The following ANXA8 variants were observed in gnomAD, a reference collection of about 807,000 sequenced individuals.
ANXA8 encodes the protein VAC-beta.
In ANXA8, 9 loss-of-function variants were observed where a neutral mutation model predicts 26.8. The ratio of observed to expected loss-of-function variants is 0.34; its 90% CI spans 0.20 to 0.59. The LOEUF is 0.59. ANXA8 is among the 20% of genes least tolerant of loss of function. The pLI is 0.84. For missense variants in ANXA8, 83 were observed against 238.5 expected (o/e 0.35, Z 4.29); for synonymous variants, 39 against 94.8 (o/e 0.41, Z 3.42).
the ANXA8 span, among the ~76,000 whole-genome samples, chr10:47,600,298 G>A: frequency 6.6e-6 from 1 of 150,582 alleles, no homozygotes; most frequent in African/African-American, 2.5e-5. Flanking sequence ...AGGCTGCGAA[G>A]CCCCGGGGTT....
the ANXA8 span, among the ~76,000 whole-genome samples, chr10:47,623,676 T>G: frequency 2.8e-5 from 3 of 108,140 alleles, 1 homozygote; most frequent in South Asian, 9.0e-4. Context: ...CTTTGTGTTT[T>G]TAGTCTTTTC....
At chr10:47,603,652 C>T in the ANXA8 span, among the ~76,000 whole-genome samples, 2 of 148,984 alleles carry the variant, frequency 1.3e-5, no homozygotes, top group Non-Finnish European at 1.5e-5. Flanking sequence ...GCTGGGACTA[C>T]AGGCAGGCAC....
At chr10:47,726,569 T>A in the ANXA8 span, among the ~76,000 whole-genome samples, 3 of 152,392 alleles carry the variant, frequency 2.0e-5, no homozygotes, top group East Asian at 5.8e-4. Flanking sequence ...TAAAAATAAT[T>A]TATAAAACAG....
the ANXA8 span, among the ~76,000 whole-genome samples, chr10:47,558,194 A>C: frequency 6.6e-6 from 1 of 152,096 alleles, no homozygotes; most frequent in South Asian, 2.1e-4. Context: ...ATTGTAGTAC[A>C]TACGTCATTC....
At position 47,481,546 on chromosome 10, in the gene ANXA8, T is replaced by A. The variant is rs1436722926; in HGVS notation, c.22-1658A>T. Among the ~76,000 whole-genome samples the A allele has an allele frequency of 3.7e-4, 56 of 150,582 alleles. 1 individual carries two copies. The highest frequency in any genetic ancestry group is 1.2e-3 in the African/African-American group (50 of 41,136). On this transcript the variant is annotated intron_variant, in intron 1 of 11. Transcript: ENST00000585281. ...ATCTCAGCTCTCAGTGCCTGCCGGCTTCCCTCTGCCCCAGCACTCGGGGGC... is the reference window on the plus strand; with the variant it reads ...ATCTCAGCTCTCAGTGCCTGCCGGCATCCCTCTGCCCCAGCACTCGGGGGC...
chr10:47,736,932 G>A, the ANXA8 span, among the ~76,000 whole-genome samples: 1 of 151,814 alleles, frequency 6.6e-6, no homozygotes, highest in Non-Finnish European at 1.5e-5. Flanking sequence ...TGAGACTACA[G>A]GTGTGAACCA....
At chr10:47,718,178 A>T in the ANXA8 span, among the ~76,000 whole-genome samples, 1 of 152,280 alleles carries the variant, frequency 6.6e-6, no homozygotes, top group Non-Finnish European at 1.5e-5. Flanking sequence ...TTTTTTTTAC[A>T]TATTTTTTTA....
the ANXA8 span, among the ~76,000 whole-genome samples, chr10:47,981,224 A>G: frequency 1.3e-5 from 2 of 151,388 alleles, no homozygotes; most frequent in Non-Finnish European, 3.0e-5. Flanking sequence ...ATAGATGCAG[A>G]AAAAACATTT....
chr10:47,695,105 A>G, the ANXA8 span, among the ~76,000 whole-genome samples: 1 of 150,302 alleles, frequency 6.7e-6, no homozygotes, highest in Non-Finnish European at 1.5e-5. Context: ...TTTCTGAAGA[A>G]CATGCATCCT....
upstream of ANXA8, among the ~76,000 whole-genome samples, chr10:47,488,713 AT>A (rs1160121365): frequency 0.035 from 2,194 of 61,936 alleles, no homozygotes; most frequent in African/African-American, 0.069. Flanking sequence ...TACATGTTAA[AT>A]TTTTTTTTTT....
chr10:47,626,141 C>A, the ANXA8 span, among the ~76,000 whole-genome samples: 1 of 150,182 alleles, frequency 6.7e-6, no homozygotes, highest in Non-Finnish European at 1.5e-5. Context: ...TAAATTGAAA[C>A]ATAACAGCTT....
At chr10:47,664,296 T>C in the ANXA8 span, among the ~76,000 whole-genome samples, 2 of 152,054 alleles carry the variant, frequency 1.3e-5, no homozygotes, top group Admixed American at 1.3e-4. Context: ...GAGAATTGCT[T>C]GAACCCAAGA....
chr10:47,775,877 G>A, the ANXA8 span, among the ~76,000 whole-genome samples: 1 of 150,880 alleles, frequency 6.6e-6, no homozygotes, highest in Non-Finnish European at 1.5e-5. Flanking sequence ...GTTTTCCTCT[G>A]GCATTAAAGA....
chr10:47,485,236 A>G (rs1840013395), upstream of ANXA8, among the ~76,000 whole-genome samples: 2 of 152,058 alleles, frequency 1.3e-5, no homozygotes, highest in African/African-American at 4.8e-5. Flanking sequence ...TCTCAGTAAT[A>G]CAAATATGCT....
the ANXA8 span, among the ~76,000 whole-genome samples, chr10:47,955,483 CT>C: frequency 6.7e-6 from 1 of 149,880 alleles, no homozygotes; most frequent in African/African-American, 2.5e-5. Flanking sequence ...ATGGCATAGC[CT>C]GTTGCTCCTA....
chr10:47,734,202 T>C, the ANXA8 span, among the ~76,000 whole-genome samples: 8,013 of 137,770 alleles, frequency 0.058, 1,331 homozygotes, highest in African/African-American at 0.21. Flanking sequence ...CAACTGACTC[T>C]CAAGCACATG....
the ANXA8 span, among the ~76,000 whole-genome samples, chr10:47,667,293 T>G: frequency 3.3e-5 from 5 of 152,006 alleles, no homozygotes; most frequent in African/African-American, 1.2e-4. Flanking sequence ...GATTGATGAT[T>G]TTGCTCCATT....
At chr10:47,619,997 A>G in the ANXA8 span, among the ~76,000 whole-genome samples, 1 of 108,548 alleles carries the variant, frequency 9.2e-6, no homozygotes, top group African/African-American at 3.6e-5. Context: ...TATTAAAATG[A>G]CTATTTCTTA....
the ANXA8 span, among the ~76,000 whole-genome samples, chr10:47,976,919 G>T: frequency 1.5e-5 from 1 of 65,474 alleles, no homozygotes; most frequent in Non-Finnish European, 3.7e-5. Context: ...GGTATTCATA[G>T]AGGCTTTGGA....
Sources: gnomAD v4.1 joint callset for allele counts (sites outside exome capture counted in the v4.1 genomes callset) on GRCh38, gnomAD v4.1.1 for gene constraint, MANE v1.5 for transcripts, NCBI Gene and HGNC (gene_info 2026-07-23, HGNC 2026-07-21) for gene names.